The following GRIK2 variants were observed in gnomAD, a reference collection of about 807,000 sequenced individuals.
GRIK2 encodes glutamate ionotropic receptor kainate type subunit 2.
A neutral mutation model predicts 100.3 loss-of-function variants in GRIK2; 32 were observed. That is an observed-to-expected ratio of 0.32 (90% CI 0.24 to 0.43). The LOEUF is 0.43. GRIK2 is among the 20% of genes least tolerant of loss of function. GRIK2 has a pLI of 1.00. For synonymous variants in GRIK2, 417 were observed against 389.4 expected, an observed-to-expected ratio of 1.07 and a Z score of -0.83; for missense variants, 843 against 1,114.9, an observed-to-expected ratio of 0.76 and a Z score of 3.47.
intron 7 of GRIK2, among the ~76,000 whole-genome samples, chr6:101,697,129 T>A (rs986467601): frequency 5.3e-5 from 8 of 151,940 alleles, no homozygotes; most frequent in African/African-American, 1.9e-4. Flanking sequence ...GTCATAAGGA[T>A]CAAAAGGGAT....
chr6:101,878,530 C>T (rs984042286), intron 11 of GRIK2, among the ~76,000 whole-genome samples: 1 of 151,866 alleles, frequency 6.6e-6, no homozygotes, highest in African/African-American at 2.4e-5. Context: ...AATCTAAACA[C>T]AATATACCTC....
intron 2 of GRIK2, among the ~76,000 whole-genome samples, chr6:101,414,475 T>C (rs542995861): frequency 6.6e-6 from 1 of 152,300 alleles, no homozygotes; most frequent in East Asian, 1.9e-4. Flanking sequence ...TTCGGTGACA[T>C]ATCACAGATC....
chr6:101,795,119 G>A (rs903115349), intron 7 of GRIK2, among the ~76,000 whole-genome samples: 7 of 151,924 alleles, frequency 4.6e-5, no homozygotes, highest in South Asian at 2.1e-4. Flanking sequence ...CATCCACCTC[G>A]GCCTCCCAAA....
chr6:101,477,924 C>T (rs1471578949), intron 2 of GRIK2, among the ~76,000 whole-genome samples: 1 of 152,068 alleles, frequency 6.6e-6, no homozygotes, highest in Non-Finnish European at 1.5e-5. Flanking sequence ...AGAAATAGCA[C>T]TAGAGGTAGC....
At chr6:101,398,491 T>C (rs556696004) in intron 1 of GRIK2, among the ~76,000 whole-genome samples, 1 of 152,294 alleles carries the variant, frequency 6.6e-6, no homozygotes, top group African/African-American at 2.4e-5. Flanking sequence ...TAAATAAGAC[T>C]CTTTCAATCT....
intron 2 of GRIK2, among the ~76,000 whole-genome samples, chr6:101,503,703 GTCTTC>G (rs1217963538): frequency 7.9e-5 from 12 of 152,074 alleles, no homozygotes; most frequent in African/African-American, 2.2e-4. Flanking sequence ...GAGTGTTTCT[GTCTTC>G]TCTTTCTATG....
At chr6:101,738,171 CAATTGTCAAATGTCAATTGTAAT>C (rs1775782257) in intron 7 of GRIK2, among the ~76,000 whole-genome samples, 1 of 140,950 alleles carries the variant, frequency 7.1e-6, no homozygotes, top group Admixed American at 7.2e-5. Context: ...TTGTAATTGA[CAATTGTCAAATGTCAATTGTAAT>C]TGACAATTGT....
intron 2 of GRIK2, among the ~76,000 whole-genome samples, chr6:101,491,274 GAAA>G (rs11392415): frequency 9.2e-4 from 129 of 140,028 alleles, no homozygotes; most frequent in African/African-American, 3.2e-3. Context: ...GAGAAAAAAA[GAAA>G]AAAAAAAAAA....
chr6:101,452,468 A>G (rs1163116753), intron 2 of GRIK2, among the ~76,000 whole-genome samples: 1 of 151,252 alleles, frequency 6.6e-6, no homozygotes, highest in East Asian at 1.9e-4. Context: ...TTCATTTTTT[A>G]AAAAGTTCTC....
At chr6:101,910,246 A>G (rs898508522) in intron 12 of GRIK2, among the ~76,000 whole-genome samples, 1 of 151,230 alleles carries the variant, frequency 6.6e-6, no homozygotes, top group Middle Eastern at 3.2e-3. Context: ...TTGCACTAAA[A>G]ACTATTATCT....
At chr6:101,988,568 A>T (rs549838123) in intron 14 of GRIK2, among the ~76,000 whole-genome samples, 4 of 151,792 alleles carry the variant, frequency 2.6e-5, no homozygotes, top group Non-Finnish European at 5.9e-5. Flanking sequence ...TCTGTGACTT[A>T]TCTGTAAAAT....
intron 1 of GRIK2, among the ~76,000 whole-genome samples, chr6:101,395,690 T>C (rs1774974889): frequency 6.6e-6 from 1 of 151,922 alleles, no homozygotes; most frequent in East Asian, 1.9e-4. Flanking sequence ...GTTTTTTTGT[T>C]ATTGTTGGAA....
At chr6:101,894,866 A>T (rs146098803) in intron 12 of GRIK2, among the ~76,000 whole-genome samples, 1 of 151,780 alleles carries the variant, frequency 6.6e-6, no homozygotes, top group Admixed American at 6.6e-5. Flanking sequence ...TAGCAGTTTG[A>T]TGTACAGAGA....
At chr6:101,792,918 T>G (rs1253655524) in intron 7 of GRIK2, among the ~76,000 whole-genome samples, 10 of 152,136 alleles carry the variant, frequency 6.6e-5, no homozygotes, top group South Asian at 2.1e-4. Context: ...TTTTTATTCT[T>G]TTTTCTCTAA....
At chr6:101,468,290 G>T (rs1462975510) in intron 2 of GRIK2, among the ~76,000 whole-genome samples, 1 of 152,108 alleles carries the variant, frequency 6.6e-6, no homozygotes, top group African/African-American at 2.4e-5. Context: ...AGTGGAGAGG[G>T]CTCATCAGTT....
intron 7 of GRIK2, among the ~76,000 whole-genome samples, chr6:101,776,150 A>T (rs1778733330): frequency 1.3e-5 from 2 of 152,194 alleles, no homozygotes; most frequent in South Asian, 4.1e-4. Flanking sequence ...GATTTAATGT[A>T]CATGAGAAGT....
chr6:101,462,491 G>A (rs1275921534), intron 2 of GRIK2, among the ~76,000 whole-genome samples: 1 of 10,290 alleles, frequency 9.7e-5, no homozygotes. Context: ...AGACCAGGAA[G>A]ATTTGGGGGA....
intron 2 of GRIK2, among the ~76,000 whole-genome samples, chr6:101,442,675 C>T (rs1156820045): frequency 6.6e-6 from 1 of 152,096 alleles, no homozygotes; most frequent in African/African-American, 2.4e-5. Flanking sequence ...CTGTGAAGGA[C>T]CAGCTAGTAA....
chr6:101,976,696 GA>G (rs901655627), intron 14 of GRIK2, among the ~76,000 whole-genome samples: 3 of 149,800 alleles, frequency 2.0e-5, no homozygotes, highest in South Asian at 2.1e-4. Flanking sequence ...TTTCTTAAAA[GA>G]AAAAAAATGG....
Sources: allele counts gnomAD v4.1 joint callset (sites outside exome capture counted in the v4.1 genomes callset), GRCh38; gene constraint gnomAD v4.1.1; transcripts MANE v1.5; gene names NCBI Gene and HGNC (gene_info 2026-07-23, HGNC 2026-07-21).